Variants in ABLIM3 observed in about 807,000 individuals in gnomAD.
ABLIM3 encodes actin-binding LIM protein 3.
In ABLIM3, 61 loss-of-function variants were observed where a neutral mutation model predicts 109.5. The observed-to-expected ratio is 0.56, with a 90% CI of 0.45 to 0.69. ABLIM3 has a LOEUF of 0.69. Ranked by LOEUF, ABLIM3 falls within the 30% of genes least tolerant of loss-of-function variation. The probability of loss-of-function intolerance (pLI) is 0.00; values close to 1 mark genes in which losing one functional copy is unlikely to be tolerated. For missense variants in ABLIM3, 796 were observed against 889.5 expected, an observed-to-expected ratio of 0.89 and a Z score of 1.34; for synonymous variants, 300 against 324.8, an observed-to-expected ratio of 0.92 and a Z score of 0.82.
chr5:149,175,671 A>G (rs999735455), intron 2 of ABLIM3, among the ~76,000 whole-genome samples: 3 of 152,186 alleles, frequency 2.0e-5, no homozygotes, highest in Non-Finnish European at 4.4e-5. Context: ...TGGAATAGAA[A>G]CCAGTTGAAA....
intron 3 of ABLIM3, 84 bp downstream of exon 3, chr5:149,183,673 C>T: frequency 7.2e-7 from 1 of 1,380,216 alleles, no homozygotes. Context: ...GCAGAAAGAA[C>T]AAACACAGGT....
At chr5:149,187,505 A>G (rs775438636) in intron 3 of ABLIM3, among the ~76,000 whole-genome samples, 1 of 152,254 alleles carries the variant, frequency 6.6e-6, no homozygotes, top group Non-Finnish European at 1.5e-5. Context: ...TATAACAAAG[A>G]CAAACCTACA....
At chr5:149,190,168 G>C (rs1281866842) in intron 3 of ABLIM3, among the ~76,000 whole-genome samples, 4 of 152,164 alleles carry the variant, frequency 2.6e-5, no homozygotes, top group Non-Finnish European at 5.9e-5. Context: ...ATTATATAAA[G>C]ACAGAAAGCA....
chr5:149,239,124 G>T (rs1752534569), intron 11 of ABLIM3, 124 bp from the exon 12 acceptor site: 2 of 892,896 alleles, frequency 2.2e-6, no homozygotes, highest in Non-Finnish European at 3.7e-6. Flanking sequence ...TCTGGAGAGG[G>T]GTACAAAGGA....
intron 4 of ABLIM3, among the ~76,000 whole-genome samples, chr5:149,200,046 C>T (rs1464909257): frequency 6.6e-6 from 1 of 152,198 alleles, no homozygotes; most frequent in Non-Finnish European, 1.5e-5. Flanking sequence ...CGTTAGTAAT[C>T]TCTACTTCTT....
rs758849018 is a variant in ABLIM3, at chr5:149,207,075, C to T, written c.516C>T (p.His172=). The T allele has an allele frequency of 5.6e-6, 9 of 1,613,942 alleles. No individual in the cohort carries two copies. Among genetic ancestry groups the T allele is most frequent in the African/African-American group, 2.7e-5 (2 of 74,894 alleles). The change falls in exon 6 of 24, where the codon CAC becomes CAT. Residue 172 remains histidine, a synonymous_variant. Transcript: ENST00000309868. ...QSLLALDKQW[H]VSCFKCQTCS... ...TCCTGGCTCTGGACAAGCAGTGGCA[C>T]GTCAGCTGCTTCAAGTGCCAGACCT...
intron 2 of ABLIM3, among the ~76,000 whole-genome samples, chr5:149,179,296 CTGTTTGTT>C (rs72115540): frequency 0.41 from 61,892 of 151,120 alleles, 13,026 homozygotes; most frequent in East Asian, 0.68. Flanking sequence ...CATTAATAAG[CTGTTTGTT>C]TGTTTGTTTG....
chr5:149,256,735 A>C (rs1754456983), intron 23 of ABLIM3, among the ~76,000 whole-genome samples: 1 of 152,242 alleles, frequency 6.6e-6, no homozygotes, highest in Non-Finnish European at 1.5e-5. Context: ...ATTTCAGAAA[A>C]TAAAATAGGT....
At chr5:149,214,357 A>G (rs2127521726) in intron 7 of ABLIM3, among the ~76,000 whole-genome samples, 1 of 152,320 alleles carries the variant, frequency 6.6e-6, no homozygotes, top group South Asian at 2.1e-4. Context: ...GGAAAGTTGG[A>G]CACCAGTTGC....
intron 2 of ABLIM3, among the ~76,000 whole-genome samples, chr5:149,170,816 A>G (rs1399266218): frequency 6.6e-6 from 1 of 152,154 alleles, no homozygotes; most frequent in Non-Finnish European, 1.5e-5. Flanking sequence ...CTCTTATCTC[A>G]AAGATGTCTC....
intron 8 of ABLIM3, among the ~76,000 whole-genome samples, chr5:149,229,201 G>T (rs192763168): frequency 2.4e-4 from 36 of 152,286 alleles, no homozygotes; most frequent in African/African-American, 7.7e-4. Flanking sequence ...TGTGATTGCT[G>T]GATCAAGCCA....
At chr5:149,179,219 C>T (rs546573313) in intron 2 of ABLIM3, among the ~76,000 whole-genome samples, 8 of 152,256 alleles carry the variant, frequency 5.3e-5, no homozygotes, top group African/African-American at 1.7e-4. Context: ...TCATAGAACT[C>T]TAAAGATTTG....
At chr5:149,201,032 T>C (rs562474059) in intron 5 of ABLIM3, among the ~76,000 whole-genome samples, 18 of 152,308 alleles carry the variant, frequency 1.2e-4, no homozygotes, top group Admixed American at 4.6e-4. Context: ...AACCACTGTC[T>C]AGGGATAAAG....
At chr5:149,242,600 G>T (rs1026235571) in intron 15 of ABLIM3, 62 bp downstream of exon 15, 17 of 1,562,942 alleles carry the variant, frequency 1.1e-5, no homozygotes, top group Non-Finnish European at 1.5e-5. Context: ...AACCATCTAT[G>T]CAGATGGCCC....
intron 7 of ABLIM3, 127 bp from the exon 8 acceptor site, chr5:149,216,832 C>G (rs954782679): frequency 2.4e-6 from 2 of 825,920 alleles, no homozygotes; most frequent in Non-Finnish European, 3.9e-6. Context: ...TTGGGTAGCT[C>G]CAACCAACTT....
chr5:149,194,066 A>C (rs1417962296), intron 3 of ABLIM3, among the ~76,000 whole-genome samples: 1 of 152,224 alleles, frequency 6.6e-6, no homozygotes, highest in Non-Finnish European at 1.5e-5. Context: ...CATAAAGGAA[A>C]AGATTCACAA....
In ABLIM3 at chr5:149,175,704, G is replaced by A. The variant is rs375545156; in HGVS notation, c.14-7748G>A. Among the ~76,000 whole-genome samples the A allele has an allele frequency of 5.4e-4, 82 of 152,288 alleles. 1 individual carries two copies. The highest frequency in any genetic ancestry group is 1.9e-3 in the African/African-American group (79 of 41,552). ...AAATATAAGAAATAAAGAACTCTGC[G>A]ATGTTATGGGCTGCCATTTAGTCCT... On this transcript the variant is annotated intron_variant, in intron 2 of 23. Transcript: ENST00000309868.
rs558011951 is a variant in ABLIM3 at position 149,229,603 on chromosome 5, T to C, written c.758-1046T>C. 5.9e-5 allele frequency among the ~76,000 whole-genome samples: 9 copies of C among 152,338 alleles called. No individual in the cohort carries two copies. In the South Asian group the frequency reaches 1.9e-3, roughly 32 times the overall value. On this transcript the variant is annotated intron_variant, in intron 8 of 23. Transcript: ENST00000309868. ...GGGGGTTCCAGGCAACAAAGCATAA[T>C]ATAAAGTATATCCTAGAGACAAAGT...
intron 2 of ABLIM3, among the ~76,000 whole-genome samples, chr5:149,152,828 A>G (rs145655840): frequency 7.3e-4 from 111 of 152,128 alleles, no homozygotes; most frequent in African/African-American, 2.6e-3. Flanking sequence ...GGCCACAACA[A>G]TGATTGCATG....
Sources: allele counts gnomAD v4.1 joint callset (sites outside exome capture counted in the v4.1 genomes callset), GRCh38; gene constraint gnomAD v4.1.1; transcripts MANE v1.5; gene names NCBI Gene and HGNC (gene_info 2026-07-23, HGNC 2026-07-21).